STXBP3: variants seen among roughly 807,000 people sequenced by gnomAD.
STXBP3 encodes the protein syntaxin-binding protein 3.
In STXBP3, 41 loss-of-function variants were observed where a neutral mutation model predicts 85.7. The observed-to-expected ratio is 0.48, with a 90% CI of 0.37 to 0.62. STXBP3 has a LOEUF of 0.62. STXBP3 is among the 20% of genes least tolerant of loss of function. STXBP3 has a pLI of 0.00. For synonymous variants in STXBP3, 229 were observed against 231.7 expected, an observed-to-expected ratio of 0.99 and a Z score of 0.10; for missense variants, 563 against 703.1, an observed-to-expected ratio of 0.80 and a Z score of 2.25.
At chr1:108,789,656 A>G (rs1662935403) in intron 11 of STXBP3, among the ~76,000 whole-genome samples, 1 of 152,176 alleles carries the variant, frequency 6.6e-6, no homozygotes, top group Non-Finnish European at 1.5e-5. Flanking sequence ...ACGTTTTTAA[A>G]TTTCAAAGCA....
intron 15 of STXBP3, among the ~76,000 whole-genome samples, chr1:108,797,562 TC>T (rs1557814915): frequency 6.6e-6 from 1 of 150,608 alleles, no homozygotes. Context: ...GCGCCTGCCA[TC>T]CGCCCAGCTA....
intron 15 of STXBP3, among the ~76,000 whole-genome samples, chr1:108,797,613 G>A (rs1333725917): frequency 6.6e-6 from 1 of 151,832 alleles, no homozygotes; most frequent in African/African-American, 2.4e-5. Context: ...TCACTCTGTC[G>A]GCCAGGCTGC....
chr1:108,791,573 C>G (rs145080529), intron 11 of STXBP3, among the ~76,000 whole-genome samples: 1 of 151,810 alleles, frequency 6.6e-6, no homozygotes, highest in African/African-American at 2.4e-5. Context: ...TGAATGTTCT[C>G]TATTAACCTG....
intron 1 of STXBP3, among the ~76,000 whole-genome samples, chr1:108,749,059 C>A (rs1376445502): frequency 6.6e-6 from 1 of 152,072 alleles, no homozygotes; most frequent in Non-Finnish European, 1.5e-5. Flanking sequence ...ATTGAAATAG[C>A]AAAGGTGTTG....
intron 6 of STXBP3, 61 bp downstream of exon 6, chr1:108,760,146 T>G (rs1015593672): frequency 2.1e-6 from 2 of 936,878 alleles, no homozygotes; most frequent in African/African-American, 3.5e-5. Flanking sequence ...TATGGCTTAT[T>G]GTTAATAAAG....
chr1:108,800,308 A>G lies in STXBP3; in HGVS notation c.1535+3A>G. The G allele has an allele frequency of 1.3e-6, 2 of 1,595,792 alleles. No homozygotes were observed. Among genetic ancestry groups the G allele is most frequent in the Non-Finnish European group, 1.7e-6 (2 of 1,164,420 alleles). On this transcript the variant is annotated splice_donor_region_variant and intron_variant, in intron 17 of 18. Coordinates refer to ENST00000370008, the MANE Select transcript of STXBP3 (RefSeq NM_007269.4). The stretch of plus-strand genomic sequence containing the variant: ...TGGAATGGTTCAGGAGCTGTAAGGT[A>G]AATTCTACAAGTGAAAATCAATGAA...
At chr1:108,780,150 A>G (rs1415613623) in intron 9 of STXBP3, 1 of 152,182 alleles carries the variant, frequency 6.6e-6, no homozygotes, top group Non-Finnish European at 1.5e-5. Flanking sequence ...TTTTATGTTT[A>G]AACTAATTTG....
At chr1:108,789,432 G>C (rs1662930524) in intron 11 of STXBP3, among the ~76,000 whole-genome samples, 1 of 151,970 alleles carries the variant, frequency 6.6e-6, no homozygotes, top group Non-Finnish European at 1.5e-5. Flanking sequence ...GGACACCCCT[G>C]GTTTAAATTT....
At chr1:108,791,445 A>G (rs1206665169) in intron 11 of STXBP3, among the ~76,000 whole-genome samples, 2 of 151,376 alleles carry the variant, frequency 1.3e-5, no homozygotes, top group Non-Finnish European at 2.9e-5. Flanking sequence ...CTTTTGTCCC[A>G]TCCTCTCTCT....
chr1:108,794,390 CAG>C (rs1663045212), intron 12 of STXBP3, among the ~76,000 whole-genome samples: 1 of 152,202 alleles, frequency 6.6e-6, no homozygotes, highest in Non-Finnish European at 1.5e-5. Flanking sequence ...AGGAAACTTA[CAG>C]TCATGGCAGA....
At chr1:108,786,278 A>G (rs1268704975) in intron 11 of STXBP3, among the ~76,000 whole-genome samples, 2 of 152,154 alleles carry the variant, frequency 1.3e-5, no homozygotes, top group Non-Finnish European at 2.9e-5. Context: ...GAAGCCCCTT[A>G]TAAGACCATC....
chr1:108,772,969 G>T, intron 7 of STXBP3, 150 bp downstream of exon 7: 2 of 761,512 alleles, frequency 2.6e-6, no homozygotes, highest in Non-Finnish European at 1.8e-6. Context: ...TTTAAAGCTT[G>T]TGGTTTAAAT....
chr1:108,792,045 A>G (rs1238788431), intron 11 of STXBP3, among the ~76,000 whole-genome samples: 1 of 152,202 alleles, frequency 6.6e-6, no homozygotes, highest in Non-Finnish European at 1.5e-5. Flanking sequence ...GTTTCAGAAC[A>G]TTTTAGTTTT....
chr1:108,802,195 G>A (rs1267283035), intron 17 of STXBP3, among the ~76,000 whole-genome samples: 5 of 151,928 alleles, frequency 3.3e-5, no homozygotes, highest in African/African-American at 7.3e-5. Context: ...TCAGGAGTTC[G>A]AGACCAGCCT....
At chr1:108,789,062 TAAAAA>T (rs1007459357) in intron 11 of STXBP3, among the ~76,000 whole-genome samples, 1 of 151,416 alleles carries the variant, frequency 6.6e-6, no homozygotes, top group East Asian at 1.9e-4. Context: ...AGACTCCATG[TAAAAA>T]AAAATAAAAT....
At chr1:108,806,402 G>A (rs756855749) in intron 17 of STXBP3, among the ~76,000 whole-genome samples, 34 of 152,112 alleles carry the variant, frequency 2.2e-4, no homozygotes, top group Non-Finnish European at 4.7e-4. Flanking sequence ...TGGGATTCTG[G>A]GGATCTAGAG....
At position 108,765,846 on chromosome 1, in the gene STXBP3, A is replaced by ATT. The variant is rs1221460441; in HGVS notation, c.438+5784_438+5785dup. Among the ~76,000 whole-genome samples, 477 of 73,936 alleles carry ATT rather than the reference A, an allele frequency of 6.5e-3. 4 individuals carry two copies. The highest frequency in any genetic ancestry group is 8.9e-3 in the African/African-American group (151 of 16,944). 48.5% of individuals were successfully genotyped at this position (73,936 alleles called of 152,430 possible). A position where few individuals can be genotyped will look rare whatever the true frequency, so the allele number is the denominator to read the frequency against. ...ACAGGTGTGAGCCACTGCTCCCGGC[A>ATT]TTTTTTTTTTTTTTTTTTTTTTTTG... On this transcript the variant is annotated intron_variant, in intron 6 of 18. Coordinates refer to ENST00000370008, the MANE Select transcript of STXBP3 (RefSeq NM_007269.4).
At chr1:108,748,831 A>AAAAAAC (rs1290294779) in intron 1 of STXBP3, among the ~76,000 whole-genome samples, 1 of 152,178 alleles carries the variant, frequency 6.6e-6, no homozygotes, top group Non-Finnish European at 1.5e-5. Flanking sequence ...ACTCAGTCTC[A>AAAAAAC]AAAAACAAAA....
intron 2 of STXBP3, among the ~76,000 whole-genome samples, chr1:108,752,785 AAT>A (rs1661931645): frequency 6.6e-6 from 1 of 152,272 alleles, no homozygotes; most frequent in Non-Finnish European, 1.5e-5. Flanking sequence ...TGGCAATTGT[AAT>A]TTTAAGAAAA....
Sources: allele counts gnomAD v4.1 joint callset (sites outside exome capture counted in the v4.1 genomes callset), GRCh38; gene constraint gnomAD v4.1.1; transcripts MANE v1.5; gene names NCBI Gene and HGNC (gene_info 2026-07-23, HGNC 2026-07-21).